IGLON5: variants seen among roughly 807,000 people sequenced by gnomAD.
IGLON5 encodes Ig-like domain-containing protein ENSP00000270642.
In IGLON5, 16 loss-of-function variants were observed where a neutral mutation model predicts 38.2. The observed-to-expected ratio is 0.42, with a 90% CI of 0.28 to 0.64. The LOEUF is 0.64. Among genes scored for constraint, IGLON5 ranks in the 30% least tolerant of loss-of-function variants. The pLI, the probability that IGLON5 is intolerant of heterozygous loss-of-function variation, is 0.23. For missense variants in IGLON5, 366 were observed against 483.4 expected (o/e 0.76, Z 2.28); for synonymous variants, 207 against 216.4 (o/e 0.96, Z 0.38).
At chr19:51,316,029 A>G (rs999928721) in intron 1 of IGLON5, among the ~76,000 whole-genome samples, 1 of 151,570 alleles carries the variant, frequency 6.6e-6, no homozygotes, top group African/African-American at 2.4e-5. Context: ...GCAGAGGTAA[A>G]GACCTTGAGG....
In IGLON5 at chr19:51,325,347, C is replaced by A. The variant is rs1234146807; in HGVS notation, c.393C>A (p.Val131=). 5 of 1,613,478 alleles carry A rather than the reference C, an allele frequency of 3.1e-6. No individual in the cohort carries two copies. In the African/African-American group the frequency reaches 6.7e-5, roughly 22 times the overall value. The change falls in exon 4 of 8, where the codon GTC becomes GTA. Residue 131 remains valine (V), a splice_region_variant and synonymous_variant. Transcript: ENST00000270642. The surrounding 1 kb of genome is among the most constrained non-coding windows in gnomAD (Gnocchi z 5.5). ...YTTQVYLIVH[V]PARIVNISSP... is the part of the protein sequence containing the mutation. ...TTCAGCCTCTGCCGCTGCCCGCAGT[C>A]CCTGCCCGCATTGTGAACATCTCGT...
Position 51,323,908 on chromosome 19 carries a change from C to T in IGLON5, c.391+14C>T, listed in dbSNP as rs531650395. The T allele has an allele frequency of 1.4e-5, 22 of 1,575,366 alleles. No individual in the cohort carries two copies. The highest frequency in any genetic ancestry group is 1.0e-4 in the South Asian group (9 of 88,718). Reference sequence around the variant, plus strand: ...TCATTGTCCACGGTGAGCCCTTGGCCGGGGCCTGGCTGGGTGGAGGGGTTG... The same window carrying T: ...TCATTGTCCACGGTGAGCCCTTGGCTGGGGCCTGGCTGGGTGGAGGGGTTG... On this transcript the variant is annotated intron_variant, in intron 3 of 7. Coordinates refer to ENST00000270642, the MANE Select transcript of IGLON5 (RefSeq NM_001101372.3).
chr19:51,316,749 C>G (rs1984936051), intron 1 of IGLON5, among the ~76,000 whole-genome samples: 1 of 152,106 alleles, frequency 6.6e-6, no homozygotes, highest in Admixed American at 6.5e-5. Flanking sequence ...CCGCCTTGGC[C>G]TCCCAAAGTG....
At chr19:51,319,615 G>T (rs538100118) in intron 1 of IGLON5, among the ~76,000 whole-genome samples, 3 of 152,280 alleles carry the variant, frequency 2.0e-5, no homozygotes, top group Non-Finnish European at 2.9e-5. Context: ...CATGTGTGGG[G>T]CTGTTGATGT....
chr19:51,327,102 G>A lies in IGLON5; in HGVS notation c.669G>A (p.Val223=), dbSNP rs1985236392. ...CAGATCCTCCGACCATCACGGACGT[G>A]ACCAGCGCCCGCACCGCGCTGGGCC... The part of the protein sequence containing the change: ...TVNYPPTITD[V]TSARTALGRA... The change falls in exon 6 of 8, where the codon GTG becomes GTA. Residue 223 remains valine, a synonymous_variant. Transcript: ENST00000270642. This position sits in a 1 kb window ranked among gnomAD's most constrained non-coding sequence, Gnocchi z 7.1. 10 of 1,610,236 alleles carry A rather than the reference G, an allele frequency of 6.2e-6. No individual in the cohort carries two copies. Among genetic ancestry groups the A allele is most frequent in the Non-Finnish European group, 8.5e-6 (10 of 1,178,562 alleles).
rs529348156 is a variant in IGLON5, at chr19:51,325,260, G to A, written c.392-86G>A. On this transcript the variant is annotated intron_variant, in intron 3 of 7. Transcript: ENST00000270642. The surrounding 1 kb of genome is among the most constrained non-coding windows in gnomAD (Gnocchi z 5.5). ...GGTCTGAGGGAGGAGGAGGGGCTGG[G>A]GGTCTGGACTCCTGGGTCTGAAGGA... 1 of 1,547,008 alleles carries A rather than the reference G, an allele frequency of 6.5e-7. No homozygotes were observed. The highest frequency in any genetic ancestry group is 1.9e-5 in the Admixed American group (1 of 51,284).
Position 51,325,353 on chromosome 19 carries a change from C to A in IGLON5, c.399C>A (p.Ala133=), listed in dbSNP as rs1460547669. The part of the protein sequence containing the change: ...TQVYLIVHVP[A]RIVNISSPVT... ...CTCTGCCGCTGCCCGCAGTCCCTGC[C>A]CGCATTGTGAACATCTCGTCGCCTG... The change falls in exon 4 of 8, where the codon GCC becomes GCA. Residue 133 remains alanine (A), a synonymous_variant. Coordinates refer to ENST00000270642, the MANE Select transcript of IGLON5 (RefSeq NM_001101372.3). The surrounding 1 kb of genome is among the most constrained non-coding windows in gnomAD (Gnocchi z 5.5). 12 of 1,613,650 alleles carry A rather than the reference C, an allele frequency of 7.4e-6. No homozygotes were observed. The highest frequency in any genetic ancestry group is 9.3e-6 in the Non-Finnish European group (11 of 1,179,802).
At chr19:51,318,902 T>TG (rs1984985839) in intron 1 of IGLON5, among the ~76,000 whole-genome samples, 1 of 152,160 alleles carries the variant, frequency 6.6e-6, no homozygotes, top group Non-Finnish European at 1.5e-5. Context: ...CCCCACTTCT[T>TG]GGTTCCTGTA....
chr19:51,326,475 C>T, intron 4 of IGLON5, among the ~76,000 whole-genome samples: 1 of 152,186 alleles, frequency 6.6e-6, no homozygotes, highest in Non-Finnish European at 1.5e-5. Context: ...CACGGAGCTC[C>T]ATGATCTGAG....
chr19:51,318,276 G>A (rs1984969879), intron 1 of IGLON5, among the ~76,000 whole-genome samples: 1 of 152,220 alleles, frequency 6.6e-6, no homozygotes, highest in South Asian at 2.1e-4. Context: ...CAGGCCCAGT[G>A]TTGGGAGATG....
In IGLON5 at chr19:51,327,638, A is replaced by G. The variant is rs1198891186; in HGVS notation, c.768-94A>G. ...GATGGGTCACTGGGGTAGGGGGCAG[A>G]ATGCTGGGTCACCGGGGAACGGAGG... On this transcript the variant is annotated intron_variant, in intron 6 of 7. Coordinates refer to ENST00000270642, the MANE Select transcript of IGLON5 (RefSeq NM_001101372.3). The surrounding 1 kb of genome is among the most constrained non-coding windows in gnomAD (Gnocchi z 7.1). The G allele has an allele frequency of 2.0e-6, 3 of 1,509,672 alleles. No individual in the cohort carries two copies. The East Asian group carries it at 7.4e-5, about 37-fold the overall frequency. 93.5% of individuals were successfully genotyped at this position (1,509,672 alleles called of 1,614,324 possible).
intron 1 of IGLON5, among the ~76,000 whole-genome samples, chr19:51,314,503 C>A (rs1379034824): frequency 1.3e-5 from 2 of 152,142 alleles, no homozygotes; most frequent in Non-Finnish European, 2.9e-5. Context: ...TCTTAAAGTC[C>A]CTATAAATCA....
rs1201089074 is a variant in IGLON5, at chr19:51,325,300, C to T, written c.392-46C>T. 6.3e-7 allele frequency: 1 copy of T among 1,596,030 alleles called. No individual in the cohort carries two copies. The highest frequency in any genetic ancestry group is 1.1e-5 in the South Asian group (1 of 88,320). ...GGTCTGAAGGAGGAAGGGCTGGGGGCCTGGATTCCTGGGCATCCATATTCA... is the reference window on the plus strand; with the variant it reads ...GGTCTGAAGGAGGAAGGGCTGGGGGTCTGGATTCCTGGGCATCCATATTCA... On this transcript the variant is annotated intron_variant, in intron 3 of 7. Transcript: ENST00000270642. This position sits in a 1 kb window ranked among gnomAD's most constrained non-coding sequence, Gnocchi z 5.5.
chr19:51,326,033 G>T lies in IGLON5; in HGVS notation c.511+568G>T, dbSNP rs139335610. On this transcript the variant is annotated intron_variant, in intron 4 of 7. Transcript: ENST00000270642. ...GTGCTCAAGGTTACCCACAAACGGC[G>T]CCAGAGTGCCCATATATGACAGTCC... 1.6e-3 allele frequency among the ~76,000 whole-genome samples: 240 copies of T among 152,118 alleles called. 1 individual carries two copies. The highest frequency in any genetic ancestry group is 5.6e-3 in the African/African-American group (231 of 41,490).
chr19:51,325,498 C>T lies in IGLON5; in HGVS notation c.511+33C>T, dbSNP rs758315785. ...CCCCATCCCAGGTCAAAAGCCCCGTCCCCCACTGCGCAGTCTGGGCCCCTC... is the reference window on the plus strand; with the variant it reads ...CCCCATCCCAGGTCAAAAGCCCCGTTCCCCACTGCGCAGTCTGGGCCCCTC... On this transcript the variant is annotated intron_variant, in intron 4 of 7. Transcript: ENST00000270642. This position sits in a 1 kb window ranked among gnomAD's most constrained non-coding sequence, Gnocchi z 5.5. 3.5e-5 allele frequency: 55 copies of T among 1,585,460 alleles called. No individual in the cohort carries two copies. Among genetic ancestry groups the T allele is most frequent in the Non-Finnish European group, 4.7e-5 (55 of 1,165,824 alleles).
chr19:51,327,843 C>A lies in IGLON5; in HGVS notation c.879C>A (p.Ala293=), dbSNP rs200107403. ...ATTACGGCAACTATACGTGTCGCGC[C>A]GCCAACCGACTGGGAGCGTCCAGCG... ...ARHYGNYTCR[A]ANRLGASSAS... Residue 293 remains alanine, a synonymous_variant, in exon 7 of 8, where the codon GCC becomes GCA. Coordinates refer to ENST00000270642, the MANE Select transcript of IGLON5 (RefSeq NM_001101372.3). The surrounding 1 kb of genome is among the most constrained non-coding windows in gnomAD (Gnocchi z 7.1). 5.8e-3 allele frequency: 8,943 copies of A among 1,545,696 alleles called. 52 individuals carry two copies. Among genetic ancestry groups the A allele is most frequent in the African/African-American group, 0.019 (1,412 of 72,764 alleles).
At chr19:51,319,293 C>T (rs901180559) in intron 1 of IGLON5, among the ~76,000 whole-genome samples, 1 of 121,318 alleles carries the variant, frequency 8.2e-6, no homozygotes, top group Non-Finnish European at 1.7e-5. Flanking sequence ...TTCCAATTCC[C>T]TGTGTGTGTG....
At chr19:51,316,329 AGTGGT>A in intron 1 of IGLON5, among the ~76,000 whole-genome samples, 1 of 143,254 alleles carries the variant, frequency 7.0e-6, no homozygotes. Flanking sequence ...TGGGTGACAC[AGTGGT>A]ACCCTGTCTC....
chr19:51,313,627 C>CTT (rs1179428147), intron 1 of IGLON5, among the ~76,000 whole-genome samples: 80 of 124,020 alleles, frequency 6.5e-4, no homozygotes, highest in Non-Finnish European at 8.9e-4. Flanking sequence ...CCTTCTTTCT[C>CTT]TTTTTCTCTC....
Sources: allele counts gnomAD v4.1 joint callset (sites outside exome capture counted in the v4.1 genomes callset), GRCh38; gene constraint gnomAD v4.1.1; non-coding constraint Gnocchi (gnomAD v3.1); transcripts MANE v1.5; gene names NCBI Gene and HGNC (gene_info 2026-07-23, HGNC 2026-07-21).